CADM2: variants seen among roughly 807,000 people sequenced by gnomAD.
CADM2 encodes the protein cell adhesion molecule 2.
In CADM2, 12 loss-of-function variants were observed where a neutral mutation model predicts 49.8. The ratio of observed to expected loss-of-function variants is 0.24; its 90% CI spans 0.15 to 0.39. The LOEUF is 0.39. CADM2 is among the 10% of genes least tolerant of loss of function. The pLI, the probability that CADM2 is intolerant of heterozygous loss-of-function variation, is 1.00. For synonymous variants in CADM2, 214 were observed against 175.4 expected, an observed-to-expected ratio of 1.22 and a Z score of -1.74; for missense variants, 378 against 492.3, an observed-to-expected ratio of 0.77 and a Z score of 2.20.
intron 1 of CADM2, among the ~76,000 whole-genome samples, chr3:85,560,582 A>C (rs1311235708): frequency 6.6e-6 from 1 of 152,202 alleles, no homozygotes. Context: ...TCAACGCTAA[A>C]ACTGAAGGCA....
intron 1 of CADM2, among the ~76,000 whole-genome samples, chr3:85,268,053 A>G (rs2043158578): frequency 6.6e-6 from 1 of 151,548 alleles, no homozygotes; most frequent in Non-Finnish European, 1.5e-5. Flanking sequence ...ATGAACTTAC[A>G]GATGTTACCA....
chr3:85,135,051 T>G (rs1016571812), intron 1 of CADM2, among the ~76,000 whole-genome samples: 1 of 151,966 alleles, frequency 6.6e-6, no homozygotes, highest in African/African-American at 2.4e-5. Context: ...GCAATGTCTC[T>G]GATAAAAATT....
At chr3:85,575,702 C>T (rs191841520) in intron 1 of CADM2, among the ~76,000 whole-genome samples, 1 of 152,206 alleles carries the variant, frequency 6.6e-6, no homozygotes. Context: ...GGTTCTTTCA[C>T]AAAAAGTATG....
intron 1 of CADM2, among the ~76,000 whole-genome samples, chr3:85,435,241 C>A (rs945462084): frequency 2.0e-5 from 3 of 152,022 alleles, no homozygotes; most frequent in Non-Finnish European, 4.4e-5. Flanking sequence ...TTGTTCACCT[C>A]CCACTTATGA....
intron 8 of CADM2, among the ~76,000 whole-genome samples, chr3:86,015,631 C>T (rs542426567): frequency 4.2e-4 from 64 of 152,280 alleles, no homozygotes; most frequent in African/African-American, 1.5e-3. Context: ...GATTTCAGTG[C>T]AGATTTTGTC....
chr3:85,381,771 G>C (rs2033923774), intron 1 of CADM2, among the ~76,000 whole-genome samples: 1 of 151,928 alleles, frequency 6.6e-6, no homozygotes, highest in Non-Finnish European at 1.5e-5. Context: ...TGCAGGATGT[G>C]GGATGACTCC....
At chr3:85,621,049 G>A (rs1420516538) in intron 1 of CADM2, among the ~76,000 whole-genome samples, 1 of 151,944 alleles carries the variant, frequency 6.6e-6, no homozygotes, top group African/African-American at 2.4e-5. Flanking sequence ...ATTTTTTAAG[G>A]TAATATTCTT....
intron 1 of CADM2, among the ~76,000 whole-genome samples, chr3:85,174,134 G>A (rs955081206): frequency 6.6e-6 from 1 of 152,106 alleles, no homozygotes; most frequent in Non-Finnish European, 1.5e-5. Flanking sequence ...CAGCTCTCAG[G>A]ATTAGAAAGT....
chr3:85,029,796 A>G (rs1202890043), intron 1 of CADM2, among the ~76,000 whole-genome samples: 1 of 152,198 alleles, frequency 6.6e-6, no homozygotes, highest in Non-Finnish European at 1.5e-5. Flanking sequence ...TATTGCCATC[A>G]AACTGAATCT....
chr3:85,225,202 T>C (rs1328656748), intron 1 of CADM2, among the ~76,000 whole-genome samples: 3 of 152,190 alleles, frequency 2.0e-5, no homozygotes, highest in Admixed American at 6.5e-5. Context: ...AGTATGGCCA[T>C]TTTCATGATA....
chr3:85,268,597 A>G lies in CADM2; in HGVS notation c.61+308929A>G, dbSNP rs577257134. Among the ~76,000 whole-genome samples the G allele has an allele frequency of 3.4e-4, 51 of 151,532 alleles. 1 individual carries two copies. Among genetic ancestry groups the G allele is most frequent in the South Asian group, 8.3e-4 (4 of 4,826 alleles). ...TCTAAGCAAAGAACATCACAAATTT[A>G]TAAAGGATTTAAAAATTGTAATGCA... is the stretch of plus-strand genomic sequence containing the variant. On this transcript the variant is annotated intron_variant, in intron 1 of 9. Transcript: ENST00000383699.
rs1201040576 is a variant in CADM2, at chr3:86,070,623, A to ACAAT, written c.*3841_*3844dup. 4 of 79,812 alleles carry ACAAT rather than the reference A, an allele frequency of 5.0e-5. No individual in the cohort carries two copies. The highest frequency in any genetic ancestry group is 5.7e-3 in the Middle Eastern group (1 of 176). The allele number at this position is 79,812 out of a possible 1,614,324, so 4.9% of individuals were successfully genotyped here. A position where few individuals can be genotyped will look rare whatever the true frequency, so the allele number is the denominator to read the frequency against. On this transcript the variant is annotated 3_prime_UTR_variant, in exon 10 of 10. Coordinates refer to ENST00000383699, the MANE Select transcript of CADM2 (RefSeq NM_001167675.2). ...TTTGCAAATGGTAATTTCTGATAAA[A>ACAAT]CAATACAAAACAAAAAAAAAGCAGT...
chr3:85,604,207 A>G (rs1437052365), intron 1 of CADM2, among the ~76,000 whole-genome samples: 1 of 151,906 alleles, frequency 6.6e-6, no homozygotes, highest in Non-Finnish European at 1.5e-5. Flanking sequence ...ATTTAATCTT[A>G]ATGCTTACAC....
chr3:85,546,753 T>A (rs1047691547), intron 1 of CADM2, among the ~76,000 whole-genome samples: 2 of 151,994 alleles, frequency 1.3e-5, no homozygotes, highest in South Asian at 2.1e-4. Context: ...AAAGAAAAGA[T>A]TACAGAGTCA....
At chr3:85,547,463 T>A (rs965459789) in intron 1 of CADM2, among the ~76,000 whole-genome samples, 3 of 150,080 alleles carry the variant, frequency 2.0e-5, no homozygotes, top group African/African-American at 4.8e-5. Context: ...ACTTGCATTA[T>A]TTTTTGTCAT....
At chr3:86,065,511 G>T in intron 8 of CADM2, 94 bp from the exon 9 acceptor site, 1 of 1,278,696 alleles carries the variant, frequency 7.8e-7, no homozygotes. Context: ...AACAGAAATT[G>T]TGTTAATTTT....
chr3:85,540,581 A>G (rs558089287), intron 1 of CADM2, among the ~76,000 whole-genome samples: 2 of 152,290 alleles, frequency 1.3e-5, no homozygotes, highest in Admixed American at 1.3e-4. Flanking sequence ...ACTTGGTTTC[A>G]GAGTCCTCCT....
chr3:85,545,472 G>A (rs1240972615), intron 1 of CADM2, among the ~76,000 whole-genome samples: 4 of 152,176 alleles, frequency 2.6e-5, no homozygotes, highest in Non-Finnish European at 4.4e-5. Flanking sequence ...GGAGTACAGA[G>A]AGATTCCAAA....
chr3:85,953,013 A>G (rs1026166279), intron 7 of CADM2, among the ~76,000 whole-genome samples: 4 of 150,498 alleles, frequency 2.7e-5, no homozygotes, highest in African/African-American at 7.3e-5. Flanking sequence ...CTTTAAATGT[A>G]CAGATGTTTC....
Sources: gnomAD v4.1 joint callset for allele counts (sites outside exome capture counted in the v4.1 genomes callset) on GRCh38, gnomAD v4.1.1 for gene constraint, MANE v1.5 for transcripts, NCBI Gene and HGNC (gene_info 2026-07-23, HGNC 2026-07-21) for gene names.